PKHD1L1: variants seen among roughly 807,000 people sequenced by gnomAD.
The protein encoded by PKHD1L1 is fibrocystin-L.
PKHD1L1 carries 434 observed loss-of-function variants against 462.9 expected under a neutral mutation model. The observed-to-expected ratio is 0.94, with a 90% CI of 0.87 to 1.02. The LOEUF is 1.02. PKHD1L1 is among the 50% of genes least tolerant of loss of function. PKHD1L1 has a pLI of 0.00. For synonymous variants in PKHD1L1, 1,781 were observed against 1,750.0 expected (o/e 1.02, Z -0.44); for missense variants, 5,202 against 5,096.1 (o/e 1.02, Z -0.63).
chr8:109,436,518 A>G (rs1313033034), intron 30 of PKHD1L1, 59 bp downstream of exon 30: 1 of 1,594,648 alleles, frequency 6.3e-7, no homozygotes, highest in Non-Finnish European at 8.5e-7. Flanking sequence ...ATAAATTAGG[A>G]AACATCTCAG....
intron 25 of PKHD1L1, among the ~76,000 whole-genome samples, chr8:109,428,583 T>C (rs1338556814): frequency 6.6e-6 from 1 of 152,186 alleles, no homozygotes; most frequent in Non-Finnish European, 1.5e-5. Context: ...GGCTGGGAAC[T>C]GAAATTAGAG....
Position 109,410,726 on chromosome 8 carries a change from C to CTTTTTTTTTTTTTTTTTTTTTTTTTT in PKHD1L1, c.2085+769_2085+770insTTTTTTTTTTTTTTTTTTTTTTTTTT, listed in dbSNP as rs71303459. 9.9e-4 allele frequency among the ~76,000 whole-genome samples: 68 copies of CTTTTTTTTTTTTTTTTTTTTTTTTTT among 68,388 alleles called. 11 individuals are homozygous for CTTTTTTTTTTTTTTTTTTTTTTTTTT. The highest frequency in any genetic ancestry group is 5.3e-3 in the African/African-American group (65 of 12,266). The allele number at this position is 68,388 out of a possible 152,430, so 44.9% of individuals were successfully genotyped here. A position where few individuals can be genotyped will look rare whatever the true frequency, so the allele number is the denominator to read the frequency against. On this transcript the variant is annotated intron_variant, in intron 19 of 77. Transcript: ENST00000378402. ...TTCTTTTTTCTTTTCTTTTCTTTTT[C>CTTTTTTTTTTTTTTTTTTTTTTTTTT]TTTTTTTTTTTTTTTTTTTTTGAGA...
chr8:109,430,569 T>C (rs1445372049), intron 27 of PKHD1L1, among the ~76,000 whole-genome samples: 1 of 152,194 alleles, frequency 6.6e-6, no homozygotes, highest in Non-Finnish European at 1.5e-5. Context: ...ATAAATGGTA[T>C]TATTGCTTCA....
intron 2 of PKHD1L1, among the ~76,000 whole-genome samples, chr8:109,368,981 A>G (rs987320044): frequency 3.3e-5 from 5 of 151,160 alleles, no homozygotes; most frequent in African/African-American, 7.3e-5. Flanking sequence ...TTAGAATTAC[A>G]TATTTTTTTT....
At chr8:109,409,768 T>A (rs1303099191) in intron 18 of PKHD1L1, 97 bp from the exon 19 acceptor site, 1 of 533,126 alleles carries the variant, frequency 1.9e-6, no homozygotes, top group Non-Finnish European at 3.2e-6. Flanking sequence ...ATTATGAAAA[T>A]GTCCTATTAA....
rs544813243 is a variant in PKHD1L1, at chr8:109,445,679, A to G, written c.5776+34A>G. The G allele has an allele frequency of 6.0e-6, 9 of 1,500,722 alleles. No homozygotes were observed. The South Asian group carries it at 9.6e-5, about 16-fold the overall frequency. The allele number at this position is 1,500,722 out of a possible 1,614,324, so 93.0% of individuals were successfully genotyped here. A position where few individuals can be genotyped will look rare whatever the true frequency, so the allele number is the denominator to read the frequency against. ...ATATCTGCCTTATTATCTTGATATTATAGTATCGATAATATTTATTAGTAT... is the reference window on the plus strand; with the variant it reads ...ATATCTGCCTTATTATCTTGATATTGTAGTATCGATAATATTTATTAGTAT... On this transcript the variant is annotated intron_variant, in intron 38 of 77. Coordinates refer to ENST00000378402, the MANE Select transcript of PKHD1L1 (RefSeq NM_177531.6).
chr8:109,375,111 C>T (rs1246263926), intron 2 of PKHD1L1, among the ~76,000 whole-genome samples: 1 of 152,220 alleles, frequency 6.6e-6, no homozygotes, highest in Admixed American at 6.5e-5. Flanking sequence ...AACTTGGTTC[C>T]ATTCTCCCAG....
intron 55 of PKHD1L1, among the ~76,000 whole-genome samples, chr8:109,481,182 G>T (rs1340960673): frequency 6.6e-6 from 1 of 151,860 alleles, no homozygotes; most frequent in Non-Finnish European, 1.5e-5. Context: ...CACTAGTTTA[G>T]GTCTTATGAA....
rs1395254865 is a variant in PKHD1L1, at chr8:109,491,098, G to A, written c.10111G>A (p.Glu3371Lys). The A allele has an allele frequency of 6.2e-7, 1 of 1,606,936 alleles. No homozygotes were observed. The highest frequency in any genetic ancestry group is 1.3e-5 in the African/African-American group (1 of 74,740). The change falls in exon 61 of 78, where the codon GAA (glutamate) becomes AAA (lysine). Residue 3371 changes from glutamate to lysine, a missense_variant. By Grantham distance (56) the Glu-to-Lys change is moderately conservative (BLOSUM62 1). Around this residue, in one of 3 missense-constraint regions of PKHD1L1, gnomAD observed 4,497 missense variants for 4,336.8 expected, o/e 1.04. Coordinates refer to ENST00000378402, the MANE Select transcript of PKHD1L1 (RefSeq NM_177531.6). The part of the protein sequence containing the change: ...DDNIIHFTVG[E>K]GIRIWGNANR... Reference sequence around the variant, plus strand: ...CAACATCATTCACTTTACAGTGGGGGAAGGTAATATAATAATATTTTGGTT... The same window carrying A: ...CAACATCATTCACTTTACAGTGGGGAAAGGTAATATAATAATATTTTGGTT...
intron 50 of PKHD1L1, chr8:109,470,945 A>G (rs1001861647): frequency 6.2e-7 from 1 of 1,609,240 alleles, no homozygotes. Context: ...TCTGAACAAC[A>G]GTGGGGAGTT....
Position 109,384,102 on chromosome 8 carries a change from C to T in PKHD1L1, c.450C>T (p.Ser150=). The change falls in exon 5 of 78, where the codon AGC becomes AGT. Residue 150 remains serine (S), a synonymous_variant. Transcript: ENST00000378402. ...GTTTTAGAACCCCAACAATAAGAAG[C>T]ATCACACCTTTATCTGGAACTCCAG... is the stretch of plus-strand genomic sequence containing the variant. ...AKSFRTPTIR[S]ITPLSGTPGT... 6.2e-7 allele frequency: 1 copy of T among 1,611,278 alleles called. No individual in the cohort carries two copies. Among genetic ancestry groups the T allele is most frequent in the Non-Finnish European group, 8.5e-7 (1 of 1,177,820 alleles).
rs1006547261 is a variant in PKHD1L1, at chr8:109,383,076, TATAA to T, written c.417+509_417+512del. On this transcript the variant is annotated intron_variant, in intron 4 of 77. Coordinates refer to ENST00000378402, the MANE Select transcript of PKHD1L1 (RefSeq NM_177531.6). ...TATATATAAATAATTATATTTTATA[TATAA>T]ATAGTTATTATATATAATATATAAA... 1.4e-4 allele frequency among the ~76,000 whole-genome samples: 17 copies of T among 117,864 alleles called. No homozygotes were observed. In the East Asian group the frequency reaches 2.5e-3, roughly 18 times the overall value. The allele number at this position is 117,864 out of a possible 152,430, so 77.3% of individuals were successfully genotyped here.
chr8:109,430,108 T>C lies in PKHD1L1; in HGVS notation c.3229+71T>C, dbSNP rs1586492900. 1.6e-5 allele frequency: 16 copies of C among 972,058 alleles called. 1 individual carries two copies. In the South Asian group the frequency reaches 2.4e-4, roughly 15 times the overall value. The allele number at this position is 972,058 out of a possible 1,614,324, so 60.2% of individuals were successfully genotyped here. A position where few individuals can be genotyped will look rare whatever the true frequency, so the allele number is the denominator to read the frequency against. ...GCAAAATGTAAACTCTGATAATGAC[T>C]TTTAAAACTATGTTTCTACTAGTGT... On this transcript the variant is annotated intron_variant, in intron 27 of 77. Coordinates refer to ENST00000378402, the MANE Select transcript of PKHD1L1 (RefSeq NM_177531.6).
intron 54 of PKHD1L1, 58 bp downstream of exon 54, chr8:109,479,697 G>A: frequency 1.7e-6 from 2 of 1,196,032 alleles, no homozygotes; most frequent in South Asian, 1.4e-5. Context: ...TAACACTATG[G>A]CAGGGTAGAT....
rs771871894 is a variant in PKHD1L1 at position 109,466,751 on chromosome 8, G to A, written c.8587G>A (p.Val2863Ile). 3.1e-6 allele frequency: 5 copies of A among 1,612,252 alleles called. No individual in the cohort carries two copies. Among genetic ancestry groups the A allele is most frequent in the Middle Eastern group, 1.7e-4 (1 of 6,052 alleles). ...AGTATCTCTGCTTGAAAAGGATGTG[G>A]TTCTTTCAGACTCTTTTGGTAAGTG... ...SPVSLLEKDVVLSDSFGTSII... is the reference protein window; with the variant it reads ...SPVSLLEKDVILSDSFGTSII... The change falls in exon 50 of 78, where the codon GTT becomes ATT. Residue 2863 changes from valine to isoleucine, a missense_variant. Val to Ile is a conservative substitution (Grantham distance 29). Around this residue, in one of 3 missense-constraint regions of PKHD1L1, gnomAD observed 4,497 missense variants for 4,336.8 expected, o/e 1.04. Coordinates refer to ENST00000378402, the MANE Select transcript of PKHD1L1 (RefSeq NM_177531.6).
chr8:109,388,313 C>A (rs1812536456), intron 6 of PKHD1L1, among the ~76,000 whole-genome samples, 184 bp from the exon 7 acceptor site: 1 of 152,044 alleles, frequency 6.6e-6, no homozygotes, highest in Admixed American at 6.6e-5. Context: ...GTGCCAGTAC[C>A]TAGAACAGGG....
intron 57 of PKHD1L1, among the ~76,000 whole-genome samples, chr8:109,484,103 C>T (rs1818408372): frequency 6.6e-6 from 1 of 151,778 alleles, no homozygotes; most frequent in Admixed American, 6.6e-5. Context: ...ATCATCAAAA[C>T]ATATGGTTTT....
intron 53 of PKHD1L1, among the ~76,000 whole-genome samples, chr8:109,479,191 A>G (rs1355528209): frequency 6.6e-6 from 1 of 152,162 alleles, no homozygotes; most frequent in Non-Finnish European, 1.5e-5. Context: ...TGAAAACTGA[A>G]GACCGTCTGT....
intron 11 of PKHD1L1, among the ~76,000 whole-genome samples, chr8:109,397,551 A>G (rs1813043623): frequency 6.6e-6 from 1 of 152,086 alleles, no homozygotes; most frequent in Non-Finnish European, 1.5e-5. Context: ...ATTAGCTGGC[A>G]TAGTGGCACA....
Sources: gnomAD v4.1 joint callset for allele counts (sites outside exome capture counted in the v4.1 genomes callset) on GRCh38, gnomAD v4.1.1 for gene constraint, gnomAD v4.1.1 regional missense constraint, MANE v1.5 for transcripts, NCBI Gene and HGNC (gene_info 2026-07-23, HGNC 2026-07-21) for gene names.